Variants in TRRAP observed in about 807,000 individuals in gnomAD.
TRRAP encodes the protein transformation/transcription domain associated protein, also known as transformation/transcription domain-associated protein.
TRRAP carries 41 observed loss-of-function variants against 438.8 expected under a neutral mutation model. That is an observed-to-expected ratio of 0.09 (90% CI 0.07 to 0.12). The LOEUF (loss-of-function observed/expected upper bound fraction) is 0.12, where lower values mean the gene tolerates loss of function less well. TRRAP is among the 10% of genes least tolerant of loss of function. The pLI is 1.00. For missense variants in TRRAP, 3,122 were observed against 5,055.1 expected, an observed-to-expected ratio of 0.62 and a Z score of 11.60; for synonymous variants, 1,994 against 1,962.9, an observed-to-expected ratio of 1.02 and a Z score of -0.42.
At position 98,994,742 on chromosome 7, in the gene TRRAP, C is replaced by T. The variant is rs201375381; in HGVS notation, c.10203C>T (p.Asn3401=). 6.8e-5 allele frequency: 109 copies of T among 1,614,216 alleles called. 1 individual carries two copies. In the African/African-American group the frequency reaches 1.2e-3, roughly 18 times the overall value. ...GGGTGGGCCTGGAGAATGTGTCCAA[C>T]GTCTCGACCATGTTCTCCAGCGCAG... ...TFGVGLENVS[N]VSTMFSSAAS... Residue 3401 remains asparagine (N), a synonymous_variant, in exon 67 of 73, where the codon AAC becomes AAT. Transcript: ENST00000456197. The surrounding 1 kb of genome is among the most constrained non-coding windows in gnomAD (Gnocchi z 4.8).
chr7:98,937,465 AAAATATT>A (rs2116545762), intron 29 of TRRAP, among the ~76,000 whole-genome samples, 178 bp from the exon 30 acceptor site: 1 of 152,360 alleles, frequency 6.6e-6, no homozygotes, highest in Non-Finnish European at 1.5e-5. Flanking sequence ...TGAGTTTTTT[AAAATATT>A]AAACAGTAAA....
chr7:98,966,147 A>C (rs1792142683), intron 49 of TRRAP, among the ~76,000 whole-genome samples: 1 of 152,002 alleles, frequency 6.6e-6, no homozygotes, highest in African/African-American at 2.4e-5. Flanking sequence ...TCTACTAAAA[A>C]TACAAAAAAT....
At position 98,984,148 on chromosome 7, in the gene TRRAP, T is replaced by A. The variant is rs771941372; in HGVS notation, c.9078T>A (p.Ala3026=). 3.7e-6 allele frequency: 6 copies of A among 1,614,006 alleles called. No individual in the cohort carries two copies. Among genetic ancestry groups the A allele is most frequent in the Non-Finnish European group, 5.1e-6 (6 of 1,179,954 alleles). Residue 3026 remains alanine, a synonymous_variant, in exon 61 of 73, where the codon GCT becomes GCA. Transcript: ENST00000456197. The part of the protein sequence containing the change: ...SSQHDPSSNN[A]MLGVHASASA... ...AGCATGATCCCAGTTCAAATAACGC[T>A]ATGCTTGGGGTTCATGCATCAGCTT...
Position 98,910,502 on chromosome 7 carries a change from T to G in TRRAP, c.1715-8T>G. 1.2e-6 allele frequency: 2 copies of G among 1,614,026 alleles called. No individual in the cohort carries two copies. Among genetic ancestry groups the G allele is most frequent in the South Asian group, 2.2e-5 (2 of 91,052 alleles). ...TCAAGTTAACTTAATATACTTTCTCTTTTCCAGAAGCTCAGTTCATTCCCA... is the reference window on the plus strand; with the variant it reads ...TCAAGTTAACTTAATATACTTTCTCGTTTCCAGAAGCTCAGTTCATTCCCA... On this transcript the variant is annotated splice_polypyrimidine_tract_variant and splice_region_variant and intron_variant, in intron 15 of 72. Coordinates refer to ENST00000456197, the MANE Select transcript of TRRAP (RefSeq NM_001375524.1).
chr7:98,988,176 G>C (rs1793234898), intron 62 of TRRAP, among the ~76,000 whole-genome samples: 2 of 152,134 alleles, frequency 1.3e-5, no homozygotes, highest in Non-Finnish European at 2.9e-5. Flanking sequence ...GTACATTGCT[G>C]GTGTAATAGT....
At chr7:98,962,200 A>C (rs1038687001) in intron 46 of TRRAP, 102 bp from the exon 47 acceptor site, 9 of 1,566,732 alleles carry the variant, frequency 5.7e-6, no homozygotes, top group Non-Finnish European at 7.0e-6. Context: ...TGCCCGTGCC[A>C]ATCCCTCCTG....
chr7:98,926,893 C>T lies in TRRAP; in HGVS notation c.2976-274C>T, dbSNP rs182698705. The stretch of plus-strand genomic sequence containing the variant: ...AATTAGCTGGGCGTGGTGGTGGGCA[C>T]CTGTAATCCCAGCTACTTGGGAGGC... On this transcript the variant is annotated intron_variant, in intron 22 of 72. Coordinates refer to ENST00000456197, the MANE Select transcript of TRRAP (RefSeq NM_001375524.1). 1.5e-4 allele frequency among the ~76,000 whole-genome samples: 23 copies of T among 151,800 alleles called. No individual in the cohort carries two copies. The South Asian group carries it at 1.9e-3, about 12-fold the overall frequency.
At position 98,953,160 on chromosome 7, in the gene TRRAP, T is replaced by A; in HGVS notation, c.5464-7T>A. The A allele has an allele frequency of 6.2e-7, 1 of 1,609,344 alleles. No homozygotes were observed. Among genetic ancestry groups the A allele is most frequent in the Non-Finnish European group, 8.5e-7 (1 of 1,178,422 alleles). On this transcript the variant is annotated splice_region_variant and splice_polypyrimidine_tract_variant and intron_variant, in intron 39 of 72. Coordinates refer to ENST00000456197, the MANE Select transcript of TRRAP (RefSeq NM_001375524.1). ...GGAAATGAGTCCTTCCTGCTGTCCC[T>A]GCACAGGTCCTGGACCCCGAGAAGC...
At chr7:98,915,649 G>T in intron 18 of TRRAP, 74 bp from the exon 19 acceptor site, 1 of 1,512,024 alleles carries the variant, frequency 6.6e-7, no homozygotes, top group South Asian at 1.3e-5. Flanking sequence ...GGATTACAGT[G>T]ACACTTTAGA....
In TRRAP at chr7:98,934,279, G is replaced by A. The variant is rs180684856; in HGVS notation, c.4014+877G>A. On this transcript the variant is annotated intron_variant, in intron 27 of 72. Transcript: ENST00000456197. ...ATACCGCGGCAAAAATCAGAAGAAA[G>A]CAAATTCTTCCAGGTCCATACTGTC... Among the ~76,000 whole-genome samples the A allele has an allele frequency of 6.0e-3, 915 of 152,282 alleles. 3 individuals are homozygous for A. The highest frequency in any genetic ancestry group is 8.7e-3 in the Non-Finnish European group (592 of 68,016).
At chr7:98,949,019 G>T (rs534143439) in intron 35 of TRRAP, among the ~76,000 whole-genome samples, 1 of 152,196 alleles carries the variant, frequency 6.6e-6, no homozygotes, top group Non-Finnish European at 1.5e-5. Context: ...GTTTACTTGA[G>T]CCCAGGAGTT....
intron 67 of TRRAP, chr7:98,999,837 G>T: frequency 2.2e-6 from 1 of 464,726 alleles, no homozygotes; most frequent in South Asian, 3.5e-5. Context: ...CTCCACCTCA[G>T]ACAGGCTTTG....
chr7:99,003,198 G>A (rs553577382), intron 67 of TRRAP, among the ~76,000 whole-genome samples: 4 of 152,310 alleles, frequency 2.6e-5, no homozygotes, highest in South Asian at 4.1e-4. Context: ...CAGCACTGGC[G>A]CTCGTCTGGG....
intron 33 of TRRAP, among the ~76,000 whole-genome samples, chr7:98,946,271 G>C (rs1189533001): frequency 1.3e-5 from 1 of 77,672 alleles, no homozygotes; most frequent in African/African-American, 2.7e-5. Context: ...AACCTCCTGA[G>C]AGGAAACTCA....
chr7:98,929,442 T>A (rs374966087), intron 23 of TRRAP, among the ~76,000 whole-genome samples: 1 of 152,156 alleles, frequency 6.6e-6, no homozygotes, highest in East Asian at 1.9e-4. Flanking sequence ...TATTTTTGAG[T>A]TATGATTGAG....
chr7:98,960,617 A>G (rs569986355), intron 45 of TRRAP, among the ~76,000 whole-genome samples: 1 of 152,256 alleles, frequency 6.6e-6, no homozygotes, highest in East Asian at 1.9e-4. Flanking sequence ...TTTTTGAGAC[A>G]GTCTCACTCT....
intron 63 of TRRAP, among the ~76,000 whole-genome samples, chr7:98,990,226 C>T (rs1444792810): frequency 1.3e-5 from 2 of 151,990 alleles, no homozygotes; most frequent in Non-Finnish European, 2.9e-5. Flanking sequence ...AAGACTGTCT[C>T]AAAAACAAAA....
intron 61 of TRRAP, among the ~76,000 whole-genome samples, chr7:98,984,618 A>C (rs73161939): frequency 0.027 from 4,168 of 152,286 alleles, 83 homozygotes; most frequent in South Asian, 0.054. Flanking sequence ...AAAATTACAC[A>C]CTACAGAATT....
At chr7:98,910,753 A>G in intron 16 of TRRAP, 146 bp downstream of exon 16, 2 of 709,560 alleles carry the variant, frequency 2.8e-6, no homozygotes, top group African/African-American at 1.8e-5. Flanking sequence ...GTTCCACAAC[A>G]TAGCACTGCG....
Sources: allele counts gnomAD v4.1 joint callset (sites outside exome capture counted in the v4.1 genomes callset), GRCh38; gene constraint gnomAD v4.1.1; non-coding constraint Gnocchi (gnomAD v3.1); transcripts MANE v1.5; gene names NCBI Gene and HGNC (gene_info 2026-07-23, HGNC 2026-07-21).